Variants in TMEM39A observed in about 807,000 individuals in gnomAD.
TMEM39A encodes the protein transmembrane protein 39A, also known as suppressor of SQST-1 aggregates in rpl-43 mutants.
A neutral mutation model predicts 51.9 loss-of-function variants in TMEM39A; 19 were observed. The ratio of observed to expected loss-of-function variants is 0.37; its 90% confidence interval spans 0.26 to 0.54. The LOEUF is 0.54. Ranked by LOEUF, TMEM39A falls within the 20% of genes least tolerant of loss-of-function variation. The probability of loss-of-function intolerance (pLI) is 0.88; values close to 1 mark genes in which losing one functional copy is unlikely to be tolerated. For synonymous variants in TMEM39A, 197 were observed against 220.2 expected (o/e 0.89, Z 0.93); for missense variants, 433 against 590.5 (o/e 0.73, Z 2.76).
At chr3:119,448,770 G>C (rs2081160663) in intron 4 of TMEM39A, among the ~76,000 whole-genome samples, 2 of 146,942 alleles carry the variant, frequency 1.4e-5, no homozygotes, top group African/African-American at 4.8e-5. Context: ...AAAAGTTCAG[G>C]GTTAGAAATA....
chr3:119,435,010 T>C (rs1214560104), intron 7 of TMEM39A, 128 bp from the exon 8 acceptor site: 8 of 1,419,252 alleles, frequency 5.6e-6, no homozygotes, highest in Middle Eastern at 1.9e-4. Context: ...ATTCTGAAAA[T>C]ACAGTAATTC....
intron 3 of TMEM39A, among the ~76,000 whole-genome samples, chr3:119,453,424 G>A (rs558061310): frequency 2.0e-5 from 3 of 152,134 alleles, no homozygotes; most frequent in African/African-American, 4.8e-5. Context: ...ATTACTATTC[G>A]TTCCTTCTGC....
At position 119,429,579 on chromosome 3, in the gene TMEM39A, A is replaced by G. The variant is rs1381038927; in HGVS notation, c.*2402T>C. ...AATATAGTGTCCCTTCTGTTACATG[A>G]ACTATAATAGGATATCCGGGTAACT... is the stretch of plus-strand genomic sequence containing the variant. On this transcript the variant is annotated 3_prime_UTR_variant, in exon 9 of 9. Transcript: ENST00000319172. 6.6e-6 allele frequency: 1 copy of G among 152,118 alleles called. No individual in the cohort carries two copies. Among genetic ancestry groups the G allele is most frequent in the Non-Finnish European group, 1.5e-5 (1 of 67,994 alleles). 9.4% of individuals were successfully genotyped at this position (152,118 alleles called of 1,614,324 possible).
intron 8 of TMEM39A, 50 bp from the exon 9 acceptor site, chr3:119,432,264 C>T: frequency 7.6e-7 from 1 of 1,310,476 alleles, no homozygotes; most frequent in Non-Finnish European, 1.1e-6. Flanking sequence ...AAAGTAATGG[C>T]TACAGTTATT....
intron 2 of TMEM39A, among the ~76,000 whole-genome samples, chr3:119,458,611 T>C (rs2107690585): frequency 6.6e-6 from 1 of 152,252 alleles, no homozygotes. Context: ...AAAACTTTTC[T>C]TGGCCAGGCG....
intron 8 of TMEM39A, among the ~76,000 whole-genome samples, chr3:119,433,987 G>T (rs2080933437): frequency 6.6e-6 from 1 of 152,212 alleles, no homozygotes; most frequent in Non-Finnish European, 1.5e-5. Context: ...AGAAAGAGAT[G>T]CAAGTATCTT....
chr3:119,463,595 G>A lies in TMEM39A; in HGVS notation c.-334C>T, dbSNP rs2282173. The A allele has an allele frequency of 2.8e-5, 11 of 398,660 alleles. No individual in the cohort carries two copies. In the Admixed American group the frequency reaches 3.5e-4, roughly 13 times the overall value. 24.7% of individuals were successfully genotyped at this position (398,660 alleles called of 1,614,324 possible). A position where few individuals can be genotyped will look rare whatever the true frequency, so the allele number is the denominator to read the frequency against. ...CCTGATACTTCAGCACCCATCCCTA[G>A]CCTCCATTACCGCGGAGCTGAGCAG... On this transcript the variant is annotated 5_prime_UTR_variant, in exon 1 of 9. Transcript: ENST00000319172.
intron 4 of TMEM39A, among the ~76,000 whole-genome samples, chr3:119,447,727 C>T (rs2081147027): frequency 6.6e-6 from 1 of 152,060 alleles, no homozygotes; most frequent in Non-Finnish European, 1.5e-5. Flanking sequence ...TGGGTTCAAG[C>T]GGTTCTCCTG....
chr3:119,458,008 T>A lies in TMEM39A; in HGVS notation c.336+10A>T, dbSNP rs1162430084. 3.1e-6 allele frequency: 5 copies of A among 1,605,448 alleles called. No individual in the cohort carries two copies. Among genetic ancestry groups the A allele is most frequent in the African/African-American group, 2.7e-5 (2 of 74,682 alleles). ...TAACATGAAGAACTTAAAGTCTGAG[T>A]AAGACTTACCAGTGATGTACAAGAA... On this transcript the variant is annotated intron_variant, in intron 3 of 8. Transcript: ENST00000319172.
At chr3:119,438,230 A>C in intron 5 of TMEM39A, 127 bp from the exon 6 acceptor site, 1 of 615,366 alleles carries the variant, frequency 1.6e-6, no homozygotes, top group East Asian at 2.8e-5. Context: ...AACATAACTC[A>C]AGAGGGACAT....
At chr3:119,447,422 T>C (rs2081142685) in intron 4 of TMEM39A, among the ~76,000 whole-genome samples, 1 of 152,140 alleles carries the variant, frequency 6.6e-6, no homozygotes. Flanking sequence ...TCTTTTTATA[T>C]CATCTAATTT....
rs780153462 is a variant in TMEM39A, at chr3:119,438,126, G to A, written c.576-23C>T. 9.7e-6 allele frequency: 15 copies of A among 1,550,070 alleles called. No individual in the cohort carries two copies. In the Admixed American group the frequency reaches 2.7e-4, roughly 27 times the overall value. ...AACCTGTAAAACAAAGTGTGAAAAT[G>A]AGACCACAGATACCACCTAAAATCA... On this transcript the variant is annotated intron_variant, in intron 5 of 8. Transcript: ENST00000319172.
chr3:119,447,132 A>G lies in TMEM39A; in HGVS notation c.461T>C (p.Val154Ala). The G allele has an allele frequency of 6.2e-7, 1 of 1,614,170 alleles. No individual in the cohort carries two copies. Among genetic ancestry groups the G allele is most frequent in the Non-Finnish European group, 8.5e-7 (1 of 1,180,018 alleles). ...TAGTACCAAGCGAGCTGATATCAGA[A>G]CCATGTAGTGAATCATTGATGCTGC... ...AGAASMIHYM[V>A]LISARLVLLT... The change falls in exon 5 of 9, where the codon GTT (valine) becomes GCT (alanine). Residue 154 changes from valine (V) to alanine (A), a missense_variant. This residue lies in a region of TMEM39A where 170 missense variants were observed against 239.8 expected (regional missense o/e 0.71). Coordinates refer to ENST00000319172, the MANE Select transcript of TMEM39A (RefSeq NM_018266.3).
At chr3:119,439,170 A>G (rs561506423) in intron 5 of TMEM39A, among the ~76,000 whole-genome samples, 1 of 152,354 alleles carries the variant, frequency 6.6e-6, no homozygotes, top group South Asian at 2.1e-4. Context: ...TTGGTTCCTT[A>G]AAATTTGTTT....
chr3:119,452,539 G>C lies in TMEM39A; in HGVS notation c.337-9C>G, dbSNP rs980478473. On this transcript the variant is annotated splice_polypyrimidine_tract_variant and intron_variant, in intron 3 of 8. Coordinates refer to ENST00000319172, the MANE Select transcript of TMEM39A (RefSeq NM_018266.3). ...TCAATGAGATGAAAATTCTACAACA[G>C]AAATAAATAACTACATCAGAAAGAA... 2.5e-6 allele frequency: 4 copies of C among 1,607,910 alleles called. No individual in the cohort carries two copies.
chr3:119,447,229 T>C (rs548994335), intron 4 of TMEM39A, 57 bp from the exon 5 acceptor site: 45 of 1,566,658 alleles, frequency 2.9e-5, no homozygotes, highest in African/African-American at 1.6e-4. Context: ...TTCAAAAGCA[T>C]TGTAATTCAA....
chr3:119,432,013 G>C lies in TMEM39A; in HGVS notation c.1435C>G (p.Pro479Ala). The change falls in exon 9 of 9, where the codon CCA becomes GCA. Residue 479 changes from proline to alanine, a missense_variant. Physicochemically the swap from Pro to Ala is conservative, Grantham distance 27. Around this residue, in one of 3 missense-constraint regions of TMEM39A, gnomAD observed 223 missense variants for 328.1 expected, o/e 0.68. Coordinates refer to ENST00000319172, the MANE Select transcript of TMEM39A (RefSeq NM_018266.3). ...GCCTTGAGTTCATAACTGTTGAGTG[G>C]GTAGGAGTATGCCCTGCCTAATACT... The part of the protein sequence containing the change: ...RIVLGRAYSY[P>A]LNSYELKAN The C allele has an allele frequency of 1.2e-6, 2 of 1,612,180 alleles. No homozygotes were observed. Among genetic ancestry groups the C allele is most frequent in the East Asian group, 4.5e-5 (2 of 44,860 alleles).
intron 5 of TMEM39A, among the ~76,000 whole-genome samples, chr3:119,444,018 G>A (rs1037556765): frequency 3.3e-5 from 5 of 152,214 alleles, no homozygotes; most frequent in Admixed American, 2.0e-4. Flanking sequence ...TGTGATATTC[G>A]CTTTATTGCA....
chr3:119,444,639 T>C (rs2081098800), intron 5 of TMEM39A, among the ~76,000 whole-genome samples: 1 of 152,208 alleles, frequency 6.6e-6, no homozygotes, highest in African/African-American at 2.4e-5. Context: ...ATAAATAATA[T>C]AAAGCAGTAA....
Sources: gnomAD v4.1 joint callset for allele counts (sites outside exome capture counted in the v4.1 genomes callset) on GRCh38, gnomAD v4.1.1 for gene constraint, gnomAD v4.1.1 regional missense constraint, MANE v1.5 for transcripts, NCBI Gene and HGNC (gene_info 2026-07-23, HGNC 2026-07-21) for gene names.